Variants in RASA3 observed in about 807,000 individuals in gnomAD.
RASA3 encodes ras GTPase-activating protein 3.
In RASA3, 73 loss-of-function variants were observed where a neutral mutation model predicts 110.0. The observed-to-expected ratio is 0.66, with a 90% CI of 0.55 to 0.81. The LOEUF (loss-of-function observed/expected upper bound fraction) is 0.81, where lower values mean the gene tolerates loss of function less well. RASA3 is among the 30% of genes least tolerant of loss of function. The pLI, the probability that RASA3 is intolerant of heterozygous loss-of-function variation, is 0.00. For missense variants in RASA3, 976 were observed against 1,113.2 expected, an observed-to-expected ratio of 0.88 and a Z score of 1.75; for synonymous variants, 500 against 451.4, an observed-to-expected ratio of 1.11 and a Z score of -1.37.
intron 1 of RASA3, among the ~76,000 whole-genome samples, chr13:114,102,869 C>T (rs903933898): frequency 5.3e-5 from 8 of 152,186 alleles, no homozygotes; most frequent in East Asian, 3.9e-4. Flanking sequence ...TCTGTATAAT[C>T]GCCGTGGGCG....
chr13:114,083,526 CG>C (rs1873455984), intron 1 of RASA3, among the ~76,000 whole-genome samples: 4 of 141,288 alleles, frequency 2.8e-5, no homozygotes, highest in Non-Finnish European at 4.8e-5. Context: ...TCTGGAGTAT[CG>C]ACTCCCTTCG....
rs1428033208 is a variant in RASA3 at position 114,065,049 on chromosome 13, C to T, written c.173+8671G>A. The stretch of plus-strand genomic sequence containing the variant: ...TTTCACAGAATCAAGCAAACTTTCA[C>T]GGGGAAAAAAGAAAAAACCTCTTGC... On this transcript the variant is annotated intron_variant, in intron 2 of 23. Coordinates refer to ENST00000334062, the MANE Select transcript of RASA3 (RefSeq NM_007368.4). The surrounding 1 kb of genome is among the most constrained non-coding windows in gnomAD (Gnocchi z 4.1). 1.3e-5 allele frequency among the ~76,000 whole-genome samples: 2 copies of T among 152,170 alleles called. No homozygotes were observed. The highest frequency in any genetic ancestry group is 2.4e-5 in the African/African-American group (1 of 41,432).
chr13:114,013,474 T>C, intron 14 of RASA3, among the ~76,000 whole-genome samples: 1 of 149,340 alleles, frequency 6.7e-6, no homozygotes, highest in African/African-American at 2.5e-5. Flanking sequence ...TCTCCCTGTC[T>C]CTCTCCGTAT....
chr13:114,094,039 G>C (rs970233258), intron 1 of RASA3, among the ~76,000 whole-genome samples: 2 of 152,062 alleles, frequency 1.3e-5, no homozygotes, highest in African/African-American at 4.8e-5. Flanking sequence ...CCATCATCAT[G>C]TTAGGGCCCG....
rs528647510 is a variant in RASA3 at position 114,056,362 on chromosome 13, C to T, written c.174-4207G>A. On this transcript the variant is annotated intron_variant, in intron 2 of 23. Coordinates refer to ENST00000334062, the MANE Select transcript of RASA3 (RefSeq NM_007368.4). The surrounding 1 kb of genome is among the most constrained non-coding windows in gnomAD (Gnocchi z 5.7). Reference sequence around the variant, plus strand: ...AAGCACACCCCACAAACGGGCGCCGCGCACCTGGCATTTAACCCTGCACAC... The same window carrying T: ...AAGCACACCCCACAAACGGGCGCCGTGCACCTGGCATTTAACCCTGCACAC... 29 of 841,442 alleles carry T rather than the reference C, an allele frequency of 3.4e-5. No homozygotes were observed. The East Asian group carries it at 1.1e-3, about 32-fold the overall frequency. 52.1% of individuals were successfully genotyped at this position (841,442 alleles called of 1,614,324 possible). A position where few individuals can be genotyped will look rare whatever the true frequency, so the allele number is the denominator to read the frequency against.
intron 7 of RASA3, among the ~76,000 whole-genome samples, chr13:114,025,225 G>T (rs1329277694): frequency 6.6e-6 from 1 of 152,232 alleles, no homozygotes; most frequent in African/African-American, 2.4e-5. Context: ...TGCTAAAACT[G>T]CCTAACCTCT....
In RASA3 at chr13:114,027,392, A is replaced by C; in HGVS notation, c.600T>G (p.Phe200Leu). 6.2e-7 allele frequency: 1 copy of C among 1,610,628 alleles called. No homozygotes were observed. Among genetic ancestry groups the C allele is most frequent in the Non-Finnish European group, 8.5e-7 (1 of 1,176,928 alleles). ...NNPQFDEVFY[F>L]EVTRPCSYSK... ...GTTGACCCATGAAGATACCAACCTC[A>C]AAATAAAACACTTCATCGAACTGGG... is the stretch of plus-strand genomic sequence containing the variant. Residue 200 changes from phenylalanine (F) to leucine (L), a missense_variant, in exon 7 of 24, where the codon TTT becomes TTG. By Grantham distance (22) the Phe-to-Leu change is conservative. Transcript: ENST00000334062.
intron 2 of RASA3, among the ~76,000 whole-genome samples, chr13:114,068,219 AG>A (rs912710876): frequency 3.9e-5 from 6 of 152,118 alleles, no homozygotes; most frequent in African/African-American, 1.4e-4. Flanking sequence ...CTCCACAGAA[AG>A]GGGGGGCCAG....
chr13:113,992,159 G>C (rs1484518422), intron 22 of RASA3, among the ~76,000 whole-genome samples: 1 of 152,074 alleles, frequency 6.6e-6, no homozygotes, highest in African/African-American at 2.4e-5. Context: ...ACTCACATAC[G>C]TGTCCACACA....
intron 2 of RASA3, 123 bp from the exon 3 acceptor site, chr13:114,052,278 C>A: frequency 1.6e-6 from 1 of 630,606 alleles, no homozygotes; most frequent in Admixed American, 2.7e-5. Context: ...GTGTGGCACG[C>A]ATGAGACATG....
intron 22 of RASA3, 78 bp from the exon 23 acceptor site, chr13:113,981,936 G>T: frequency 7.2e-7 from 1 of 1,396,672 alleles, no homozygotes. Flanking sequence ...CGTCGCTGCA[G>T]GCCCCACCCA....
rs907166654 is a variant in RASA3 at position 114,056,051 on chromosome 13, C to T, written c.174-3896G>A. ...GCAGCAGCTTCAGAGCAACCCAGGC[C>T]TCGGGGTTCACCTGGCGCGTCACCG... is the stretch of plus-strand genomic sequence containing the variant. On this transcript the variant is annotated intron_variant, in intron 2 of 23. Transcript: ENST00000334062. This position sits in a 1 kb window ranked among gnomAD's most constrained non-coding sequence, Gnocchi z 5.7. Among the ~76,000 whole-genome samples the T allele has an allele frequency of 6.6e-6, 1 of 152,222 alleles. No homozygotes were observed. Among genetic ancestry groups the T allele is most frequent in the African/African-American group, 2.4e-5 (1 of 41,456 alleles).
chr13:114,049,471 T>C (rs2079107627), intron 3 of RASA3, among the ~76,000 whole-genome samples: 1 of 152,248 alleles, frequency 6.6e-6, no homozygotes, highest in South Asian at 2.1e-4. Flanking sequence ...TTTCAGAGCA[T>C]ATAACTCCAG....
At chr13:114,016,067 G>A (rs1369388757) in intron 13 of RASA3, 130 bp downstream of exon 13, 3 of 731,696 alleles carry the variant, frequency 4.1e-6, no homozygotes, top group Admixed American at 2.1e-5. Flanking sequence ...GGGTGAGGCG[G>A]GTATCCCCAC....
intron 7 of RASA3, among the ~76,000 whole-genome samples, chr13:114,025,131 C>A (rs573001826): frequency 6.6e-6 from 1 of 152,384 alleles, no homozygotes; most frequent in East Asian, 1.9e-4. Flanking sequence ...TCCCTGCCCC[C>A]CCTTCTCCGG....
At chr13:114,118,100 C>A (rs1345463058) in intron 1 of RASA3, among the ~76,000 whole-genome samples, 1 of 152,104 alleles carries the variant, frequency 6.6e-6, no homozygotes, top group Non-Finnish European at 1.5e-5. Flanking sequence ...TGCAAGGAGG[C>A]TGAAAATTCT....
rs551283844 is a variant in RASA3, at chr13:113,981,237, G to A, written c.2429+438C>T. ...GACTAAGCTGAACGTACTCAACCTC[G>A]CCACACCTGCCTCATGAGACAAGAG... On this transcript the variant is annotated intron_variant, in intron 23 of 23. Transcript: ENST00000334062. Among the ~76,000 whole-genome samples, 33 of 152,258 alleles carry A rather than the reference G, an allele frequency of 2.2e-4. 1 individual carries two copies. In the South Asian group the frequency reaches 5.4e-3, roughly 25 times the overall value.
intron 8 of RASA3, 44 bp from the exon 9 acceptor site, chr13:114,021,552 C>A: frequency 2.6e-6 from 4 of 1,544,096 alleles, no homozygotes; most frequent in Non-Finnish European, 3.6e-6. Flanking sequence ...GGCGGGCAGC[C>A]CGTGTGGAGC....
intron 1 of RASA3, among the ~76,000 whole-genome samples, chr13:114,122,796 C>T (rs2080396466): frequency 6.6e-6 from 1 of 152,210 alleles, no homozygotes; most frequent in Non-Finnish European, 1.5e-5. Flanking sequence ...GGCAGGTCGG[C>T]CCCAGCCCTG....
Sources: allele counts gnomAD v4.1 joint callset (sites outside exome capture counted in the v4.1 genomes callset), GRCh38; gene constraint gnomAD v4.1.1; non-coding constraint Gnocchi (gnomAD v3.1); transcripts MANE v1.5; gene names NCBI Gene and HGNC (gene_info 2026-07-23, HGNC 2026-07-21).